The following CCDC6 variants were observed in gnomAD, a reference collection of about 807,000 sequenced individuals.
The protein encoded by CCDC6 is coiled-coil domain containing 6.
In CCDC6, 20 loss-of-function variants were observed where a neutral mutation model predicts 56.6. The ratio of observed to expected loss-of-function variants is 0.35; its 90% confidence interval spans 0.25 to 0.51. The LOEUF is 0.51. CCDC6 is among the 20% of genes least tolerant of loss of function. The pLI is 0.95. For synonymous variants in CCDC6, 241 were observed against 234.4 expected, an observed-to-expected ratio of 1.03 and a Z score of -0.26; for missense variants, 367 against 601.1, an observed-to-expected ratio of 0.61 and a Z score of 4.07.
intron 5 of CCDC6, among the ~76,000 whole-genome samples, chr10:59,809,913 C>A (rs186265710): frequency 6.6e-6 from 1 of 152,140 alleles, no homozygotes; most frequent in Non-Finnish European, 1.5e-5. Context: ...GTGTGAACTG[C>A]GGATGACTTC....
chr10:59,817,052 GA>G (rs1235009092), intron 3 of CCDC6, among the ~76,000 whole-genome samples: 2 of 152,222 alleles, frequency 1.3e-5, no homozygotes, highest in African/African-American at 4.8e-5. Flanking sequence ...ATGCTCCTCA[GA>G]ATGTTAAACA....
At chr10:59,903,420 A>AT (rs1252345004) in intron 1 of CCDC6, among the ~76,000 whole-genome samples, 1 of 152,144 alleles carries the variant, frequency 6.6e-6, no homozygotes, top group Non-Finnish European at 1.5e-5. Flanking sequence ...TCTGTACTTT[A>AT]TGTTCAGTGT....
At chr10:59,820,901 G>A (rs1034380120) in intron 3 of CCDC6, among the ~76,000 whole-genome samples, 2 of 148,816 alleles carry the variant, frequency 1.3e-5, no homozygotes, top group African/African-American at 5.0e-5. Context: ...AAGAAAACAC[G>A]AGAGTGTGTT....
In CCDC6 at chr10:59,812,808, G is replaced by T. The variant is rs753943792; in HGVS notation, c.687-13C>A. ...TTCCTGCAGGATTCTTCATTGAAAA[G>T]AAAAATTCCAACAATGACTAACAGT... On this transcript the variant is annotated splice_polypyrimidine_tract_variant and intron_variant, in intron 4 of 8. Coordinates refer to ENST00000263102, the MANE Select transcript of CCDC6 (RefSeq NM_005436.5). 13 of 1,573,820 alleles carry T rather than the reference G, an allele frequency of 8.3e-6. No individual in the cohort carries two copies. The highest frequency in any genetic ancestry group is 1.7e-4 in the Middle Eastern group (1 of 5,860).
At chr10:59,863,640 C>G (rs895426934) in intron 1 of CCDC6, among the ~76,000 whole-genome samples, 14 of 152,164 alleles carry the variant, frequency 9.2e-5, no homozygotes, top group South Asian at 6.2e-4. Context: ...AACCACTGAA[C>G]TGTACATTTT....
At chr10:59,807,207 G>T in intron 5 of CCDC6, 129 bp from the exon 6 acceptor site, 1 of 796,238 alleles carries the variant, frequency 1.3e-6, no homozygotes, top group Non-Finnish European at 1.9e-6. Context: ...CTTTCTGGTC[G>T]GGTATGGTGG....
At chr10:59,897,138 G>A (rs906082472) in intron 1 of CCDC6, among the ~76,000 whole-genome samples, 1 of 152,122 alleles carries the variant, frequency 6.6e-6, no homozygotes, top group Non-Finnish European at 1.5e-5. Flanking sequence ...AAGACACGAT[G>A]TTTTGACTCA....
chr10:59,857,719 G>C (rs1302128793), intron 1 of CCDC6, among the ~76,000 whole-genome samples: 1 of 151,698 alleles, frequency 6.6e-6, no homozygotes. Flanking sequence ...TTGATGACTT[G>C]TTTTAATAAC....
At chr10:59,840,222 CA>C (rs1162103993) in intron 2 of CCDC6, among the ~76,000 whole-genome samples, 17 of 152,286 alleles carry the variant, frequency 1.1e-4, no homozygotes, top group African/African-American at 3.8e-4. Flanking sequence ...GGAGAGAAAC[CA>C]CTGGGTCATA....
At position 59,814,850 on chromosome 10, in the gene CCDC6, G is replaced by A. The variant is rs571023362; in HGVS notation, c.583-95C>T. ...AACAATTAGGACCCCTTTTCTTGGA[G>A]AATACTGCAAACATGTGGCCAATTT... On this transcript the variant is annotated intron_variant, in intron 3 of 8. Transcript: ENST00000263102. 5 of 779,808 alleles carry A rather than the reference G, an allele frequency of 6.4e-6. No homozygotes were observed. The South Asian group carries it at 7.7e-5, about 12-fold the overall frequency. The allele number at this position is 779,808 out of a possible 1,614,324, so 48.3% of individuals were successfully genotyped here.
At position 59,789,937 on chromosome 10, in the gene CCDC6, T is replaced by TG. The variant is rs2070453760; in HGVS notation, c.*2979dup. On this transcript the variant is annotated 3_prime_UTR_variant, in exon 9 of 9. Coordinates refer to ENST00000263102, the MANE Select transcript of CCDC6 (RefSeq NM_005436.5). ...CCAATTACAAAGGGACAGTAGCACT[T>TG]GGTGTCAAAGCCACTTTCTGGTCAC... The TG allele has an allele frequency of 1.4e-5, 3 of 217,748 alleles. No homozygotes were observed. Among genetic ancestry groups the TG allele is most frequent in the African/African-American group, 4.5e-5 (2 of 44,640 alleles). 13.5% of individuals were successfully genotyped at this position (217,748 alleles called of 1,614,324 possible). A position where few individuals can be genotyped will look rare whatever the true frequency, so the allele number is the denominator to read the frequency against.
intron 1 of CCDC6, among the ~76,000 whole-genome samples, chr10:59,857,244 A>C (rs543660637): frequency 6.6e-6 from 1 of 152,212 alleles, no homozygotes; most frequent in Non-Finnish European, 1.5e-5. Context: ...AAAAAATTAC[A>C]GAAAATATTT....
At chr10:59,891,902 A>G (rs2071424926) in intron 1 of CCDC6, among the ~76,000 whole-genome samples, 1 of 152,200 alleles carries the variant, frequency 6.6e-6, no homozygotes, top group African/African-American at 2.4e-5. Flanking sequence ...TCAATCTTCA[A>G]ATGAAGTCCT....
chr10:59,847,358 A>T (rs76857779), intron 2 of CCDC6, among the ~76,000 whole-genome samples: 1 of 151,468 alleles, frequency 6.6e-6, no homozygotes, highest in Non-Finnish European at 1.5e-5. Context: ...AGGCCTAGAA[A>T]TTTTTTTTTA....
At position 59,867,523 on chromosome 10, in the gene CCDC6, T is replaced by C. The variant is rs538108487; in HGVS notation, c.304-14821A>G. Among the ~76,000 whole-genome samples, 12 of 152,330 alleles carry C rather than the reference T, an allele frequency of 7.9e-5. No individual in the cohort carries two copies. The South Asian group carries it at 2.5e-3, about 32-fold the overall frequency. ...CTCCTTAACATAACGCAGACATTCC[T>C]TTCTATTGATAACTTTTTCAACCAA... On this transcript the variant is annotated intron_variant, in intron 1 of 8. Transcript: ENST00000263102.
chr10:59,799,131 TAAA>T (rs573382025), intron 7 of CCDC6, among the ~76,000 whole-genome samples: 2 of 144,608 alleles, frequency 1.4e-5, no homozygotes, highest in African/African-American at 2.5e-5. Flanking sequence ...CCTACTTACT[TAAA>T]AAAAAAAAAA....
intron 1 of CCDC6, among the ~76,000 whole-genome samples, chr10:59,853,868 GA>G (rs1044976528): frequency 1.3e-5 from 2 of 152,030 alleles, no homozygotes; most frequent in Non-Finnish European, 2.9e-5. Flanking sequence ...CTCTCTCCCT[GA>G]AAAAAATGTT....
intron 3 of CCDC6, 22 bp from the exon 4 acceptor site, chr10:59,814,777 T>G (rs370265041): frequency 1.4e-6 from 2 of 1,475,430 alleles, no homozygotes; most frequent in African/African-American, 2.8e-5. Flanking sequence ...AAAAAAGTGT[T>G]ACCAAAGTGT....
chr10:59,804,190 TA>T (rs58723922), intron 7 of CCDC6, among the ~76,000 whole-genome samples: 60,237 of 146,196 alleles, frequency 0.41, 12,203 homozygotes, highest in African/African-American at 0.49. Context: ...CCTTTTAGAT[TA>T]AAAAAAAAAA....
Sources: gnomAD v4.1 joint callset for allele counts (sites outside exome capture counted in the v4.1 genomes callset) on GRCh38, gnomAD v4.1.1 for gene constraint, MANE v1.5 for transcripts, NCBI Gene and HGNC (gene_info 2026-07-23, HGNC 2026-07-21) for gene names.